The following HNRNPDL variants were observed in gnomAD, a reference collection of about 807,000 sequenced individuals.
HNRNPDL encodes heterogeneous nuclear ribonucleoprotein D-like.
HNRNPDL carries 18 observed loss-of-function variants against 48.0 expected under a neutral mutation model. That is an observed-to-expected ratio of 0.38 (90% confidence interval 0.26 to 0.56). HNRNPDL has a LOEUF of 0.56. HNRNPDL is among the 20% of genes least tolerant of loss of function. The pLI, the probability that HNRNPDL is intolerant of heterozygous loss-of-function variation, is 0.77. For synonymous variants in HNRNPDL, 306 were observed against 207.3 expected (o/e 1.48, Z -4.09); for missense variants, 553 against 540.7 (o/e 1.02, Z -0.23).
chr4:82,425,952 G>C (rs1721388305), intron 7 of HNRNPDL, 85 bp downstream of exon 7: 1 of 892,910 alleles, frequency 1.1e-6, no homozygotes, highest in East Asian at 2.5e-5. Context: ...AGGCTACATA[G>C]TATTTTGTTT....
rs950500359 is a variant in HNRNPDL at position 82,428,524 on chromosome 4, A to T, written c.444-78T>A. The T allele has an allele frequency of 7.0e-6, 8 of 1,150,516 alleles. No individual in the cohort carries two copies. The African/African-American group carries it at 1.2e-4, about 18-fold the overall frequency. The allele number at this position is 1,150,516 out of a possible 1,614,324, so 71.3% of individuals were successfully genotyped here. ...CAGTTCTGGAATTAAATCGTGAAAT[A>T]AAAACAGGGACATTTACCCCCTAAG... On this transcript the variant is annotated intron_variant, in intron 1 of 7. Transcript: ENST00000295470.
intron 3 of HNRNPDL, 124 bp from the exon 4 acceptor site, chr4:82,427,688 A>C (rs935794683): frequency 1.2e-6 from 1 of 824,800 alleles, no homozygotes; most frequent in East Asian, 2.5e-5. Context: ...TTCTATACAG[A>C]CATCACTGCT....
chr4:82,426,516 G>A lies in HNRNPDL; in HGVS notation c.1139C>T (p.Thr380Ile). The A allele has an allele frequency of 1.2e-6, 2 of 1,612,618 alleles. No homozygotes were observed. The highest frequency in any genetic ancestry group is 1.7e-6 in the Non-Finnish European group (2 of 1,178,892). ...NYSGYGGYDYTGYNYGNYGYG... is the reference protein window; with the variant it reads ...NYSGYGGYDYIGYNYGNYGYG... Reference sequence around the variant, plus strand: ...TCCATAGTTCCCATAGTTATACCCAGTATAATCATATCCGCCATAGCCACT... The same window carrying A: ...TCCATAGTTCCCATAGTTATACCCAATATAATCATATCCGCCATAGCCACT... Residue 380 changes from threonine (T) to isoleucine (I), a missense_variant, in exon 6 of 8, where the codon ACT becomes ATT. This residue lies in a region of HNRNPDL where 174 missense variants were observed against 204.6 expected (regional missense o/e 0.85). Coordinates refer to ENST00000295470, the MANE Select transcript of HNRNPDL (RefSeq NM_031372.4).
At position 82,429,893 on chromosome 4, in the gene HNRNPDL, T is replaced by G. The variant is rs909921944; in HGVS notation, c.-203A>C. The G allele has an allele frequency of 2.3e-5, 9 of 395,766 alleles. No homozygotes were observed. The highest frequency in any genetic ancestry group is 8.3e-5 in the African/African-American group (4 of 48,436). The allele number at this position is 395,766 out of a possible 1,614,324, so 24.5% of individuals were successfully genotyped here. On this transcript the variant is annotated 5_prime_UTR_variant, in exon 1 of 8. Transcript: ENST00000295470. ...CCAGCCCACTCCTACCAAAAAGCCG[T>G]CAACCCCGCCTTTTTCTGCCCTCGG... is the stretch of plus-strand genomic sequence containing the variant.
chr4:82,427,053 C>T (rs1721441457), intron 5 of HNRNPDL, 137 bp downstream of exon 5: 5 of 732,414 alleles, frequency 6.8e-6, no homozygotes, highest in South Asian at 4.7e-5. Context: ...CACACACAAC[C>T]TCCACTAAGC....
chr4:82,429,009 G>C (rs1433825860), intron 1 of HNRNPDL, among the ~76,000 whole-genome samples: 1 of 151,284 alleles, frequency 6.6e-6, no homozygotes. Context: ...CTGCGCGCTC[G>C]GGACACAGAC....
chr4:82,423,469 T>G lies in HNRNPDL; in HGVS notation c.*1437A>C, dbSNP rs1206643642. Reference sequence around the variant, plus strand: ...AGCAGCAAAAAAGAGGCCAAGAGCATTATAATGTGATAGCCCAGGAAGTAG... The same window carrying G: ...AGCAGCAAAAAAGAGGCCAAGAGCAGTATAATGTGATAGCCCAGGAAGTAG... On this transcript the variant is annotated 3_prime_UTR_variant, in exon 8 of 8. Coordinates refer to ENST00000295470, the MANE Select transcript of HNRNPDL (RefSeq NM_031372.4). 6.6e-6 allele frequency: 1 copy of G among 152,030 alleles called. No homozygotes were observed. 9.4% of individuals were successfully genotyped at this position (152,030 alleles called of 1,614,324 possible). A position where few individuals can be genotyped will look rare whatever the true frequency, so the allele number is the denominator to read the frequency against.
In HNRNPDL at chr4:82,429,976, C is replaced by T; in HGVS notation, c.-286G>A. ...GCTACCGACTAGCACCGCGGCCAGT[C>T]TGCTCCGGAAAAAGGCGGACTGCGC... On this transcript the variant is annotated 5_prime_UTR_variant, in exon 1 of 8. Transcript: ENST00000295470. 1.5e-5 allele frequency: 4 copies of T among 260,840 alleles called. No homozygotes were observed. The highest frequency in any genetic ancestry group is 2.9e-5 in the Non-Finnish European group (4 of 138,562). The allele number at this position is 260,840 out of a possible 1,614,324, so 16.2% of individuals were successfully genotyped here.
chr4:82,429,234 G>C lies in HNRNPDL; in HGVS notation c.443+14C>G, dbSNP rs200673707. On this transcript the variant is annotated intron_variant, in intron 1 of 7. Transcript: ENST00000295470. ...CGCTGGGGGAGGGGGAGCGGGGGAA[G>C]AAGCGTGCGGTACCCGTCATCCTGC... 26 of 1,612,136 alleles carry C rather than the reference G, an allele frequency of 1.6e-5. No individual in the cohort carries two copies. Among genetic ancestry groups the C allele is most frequent in the Non-Finnish European group, 2.1e-5 (25 of 1,179,028 alleles).
Position 82,423,059 on chromosome 4 carries a change from TTC to T in HNRNPDL, c.*1845_*1846del, listed in dbSNP as rs1266223394. 8 of 4,596 alleles carry T rather than the reference TTC, an allele frequency of 1.7e-3. No homozygotes were observed. The East Asian group carries it at 0.24, about 135-fold the overall frequency. 0.3% of individuals were successfully genotyped at this position (4,596 alleles called of 1,614,324 possible). ...CCTGAAATCTGAATTAAATCTAGAG[TTC>T]AAAGCCCAAATCTAGAGTTCAAAGC... On this transcript the variant is annotated 3_prime_UTR_variant, in exon 8 of 8. Transcript: ENST00000295470.
rs1380196282 is a variant in HNRNPDL, at chr4:82,428,461, G to GT, written c.444-16dup. 6 of 1,563,282 alleles carry GT rather than the reference G, an allele frequency of 3.8e-6. No individual in the cohort carries two copies. The highest frequency in any genetic ancestry group is 2.7e-5 in the African/African-American group (2 of 72,942). On this transcript the variant is annotated splice_polypyrimidine_tract_variant and intron_variant, in intron 1 of 7. Transcript: ENST00000295470. The stretch of plus-strand genomic sequence containing the variant: ...TAAACATTTTACTAGAAATAAAAGT[G>GT]TTTTTAAAAAAAATTAACAATAACT...
chr4:82,426,085 G>T lies in HNRNPDL; in HGVS notation c.1237C>A (p.His413Asn). ...TAGTATGGCTGGTAATTGTTTTGGT[G>T]ATTGCCACCCCCTCGAGATGCCTTG... ...YGKASRGGGN[H>N]QNNYQPY The change falls in exon 7 of 8, where the codon CAC becomes AAC. Residue 413 changes from histidine to asparagine, a missense_variant. Coordinates refer to ENST00000295470, the MANE Select transcript of HNRNPDL (RefSeq NM_031372.4). 5 of 1,613,726 alleles carry T rather than the reference G, an allele frequency of 3.1e-6. No homozygotes were observed. The highest frequency in any genetic ancestry group is 3.4e-6 in the Non-Finnish European group (4 of 1,179,784).
In HNRNPDL at chr4:82,429,756, T is replaced by G; in HGVS notation, c.-66A>C. 3 of 1,212,614 alleles carry G rather than the reference T, an allele frequency of 2.5e-6. No homozygotes were observed. The highest frequency in any genetic ancestry group is 2.5e-5 in the South Asian group (1 of 40,570). 75.1% of individuals were successfully genotyped at this position (1,212,614 alleles called of 1,614,324 possible). On this transcript the variant is annotated 5_prime_UTR_variant, in exon 1 of 8. Transcript: ENST00000295470. ...ACGCGGGCTTGGGAGAAGAGAAGAA[T>G]CAGAAGAGAAAAACGAAGGGGCGTA...
At chr4:82,427,089 G>T in intron 5 of HNRNPDL, 101 bp downstream of exon 5, 2 of 834,924 alleles carry the variant, frequency 2.4e-6, no homozygotes, top group South Asian at 2.8e-5. Flanking sequence ...CCGCTGGAAT[G>T]GTTTTAAGTT....
chr4:82,427,262 G>C lies in HNRNPDL; in HGVS notation c.949C>G (p.Gln317Glu), dbSNP rs745680358. ...CTTCCACCTTTTTGTTGTTGCTGTT[G>C]CTGCCTATATACCTCTTTGGGTTGT... ...VAQPKEVYRQ[Q>E]QQQQKGGRGA... The change falls in exon 5 of 8, where the codon CAA (glutamine) becomes GAA (glutamate). Residue 317 changes from glutamine to glutamate, a missense_variant. Transcript: ENST00000295470. 1 of 1,613,812 alleles carries C rather than the reference G, an allele frequency of 6.2e-7. No homozygotes were observed. The highest frequency in any genetic ancestry group is 1.1e-5 in the South Asian group (1 of 91,044).
rs1005434745 is a variant in HNRNPDL, at chr4:82,429,556, G to C, written c.135C>G (p.Leu45=). The C allele has an allele frequency of 1.9e-5, 28 of 1,441,056 alleles. No homozygotes were observed. The highest frequency in any genetic ancestry group is 2.3e-4 in the Middle Eastern group (1 of 4,328). The allele number at this position is 1,441,056 out of a possible 1,614,324, so 89.3% of individuals were successfully genotyped here. A position where few individuals can be genotyped will look rare whatever the true frequency, so the allele number is the denominator to read the frequency against. The change falls in exon 1 of 8, where the codon CTC becomes CTG. Residue 45 remains leucine (L), a synonymous_variant. Transcript: ENST00000295470. ...CCCCCTGCCGGGCGGAGCTGGGAGC[G>C]AGCGAAGGGAGGAGCGGGGCTAGCT... ...PRQLAPLLPS[L]APSSARQGAR...
chr4:82,425,896 A>C (rs1354200604), intron 7 of HNRNPDL, 141 bp downstream of exon 7: 10 of 608,742 alleles, frequency 1.6e-5, no homozygotes, highest in Non-Finnish European at 2.6e-5. Flanking sequence ...ACTTTAGGCA[A>C]AACAGGCTCA....
chr4:82,428,261 C>G lies in HNRNPDL; in HGVS notation c.612+17G>C, dbSNP rs1286016602. 1 of 1,609,396 alleles carries G rather than the reference C, an allele frequency of 6.2e-7. No individual in the cohort carries two copies. Among genetic ancestry groups the G allele is most frequent in the East Asian group, 2.2e-5 (1 of 44,742 alleles). ...AAAACACCACAAAAGCAGCACAATG[C>G]AAAACATAGTTCCTACCTTATCAAC... On this transcript the variant is annotated intron_variant, in intron 2 of 7. Coordinates refer to ENST00000295470, the MANE Select transcript of HNRNPDL (RefSeq NM_031372.4).
At chr4:82,429,154 TGAGA>T in intron 1 of HNRNPDL, 90 bp downstream of exon 1, 1 of 1,192,278 alleles carries the variant, frequency 8.4e-7, no homozygotes, top group Admixed American at 1.7e-5. Context: ...GAATCGACTC[TGAGA>T]AAGAATGGGG....
Sources: gnomAD v4.1 joint callset for allele counts (sites outside exome capture counted in the v4.1 genomes callset) on GRCh38, gnomAD v4.1.1 for gene constraint, gnomAD v4.1.1 regional missense constraint, MANE v1.5 for transcripts, NCBI Gene and HGNC (gene_info 2026-07-23, HGNC 2026-07-21) for gene names.